RTTN: variants seen among roughly 807,000 people sequenced by gnomAD.
The protein encoded by RTTN is rotatin.
RTTN carries 182 observed loss-of-function variants against 269.2 expected under a neutral mutation model. The observed-to-expected ratio is 0.68, with a 90% CI of 0.60 to 0.76. The LOEUF (loss-of-function observed/expected upper bound fraction) is 0.76, where lower values mean the gene tolerates loss of function less well. Among genes scored for constraint, RTTN ranks in the 30% least tolerant of loss-of-function variants. The pLI, the probability that RTTN is intolerant of heterozygous loss-of-function variation, is 0.00. For synonymous variants in RTTN, 1,006 were observed against 963.5 expected (o/e 1.04, Z -0.82); for missense variants, 2,545 against 2,608.6 (o/e 0.98, Z 0.53).
At chr18:70,077,944 T>A (rs1212489862) in intron 32 of RTTN, among the ~76,000 whole-genome samples, 1 of 151,656 alleles carries the variant, frequency 6.6e-6, no homozygotes. Context: ...AGAGGCCTAA[T>A]AAGGGACTTA....
rs1289480821 is a variant in RTTN, at chr18:70,193,417, T to A, written c.878A>T (p.His293Leu). The change falls in exon 8 of 49, where the codon CAT (histidine) becomes CTT (leucine). Residue 293 changes from histidine (H) to leucine (L), a missense_variant. By Grantham distance (99) the His-to-Leu change is moderately conservative. Coordinates refer to ENST00000640769, the MANE Select transcript of RTTN (RefSeq NM_173630.4). Reference protein sequence around the residue: ...VSQNSSLSYCHEARGTHHSQN... With the variant: ...VSQNSSLSYCLEARGTHHSQN... ...GGAATGATGAGTACCTCTTGCTTCA[T>A]GACAATAAGACAAAGAAGAATTTTG... The A allele has an allele frequency of 1.9e-6, 3 of 1,578,972 alleles. No individual in the cohort carries two copies. Among genetic ancestry groups the A allele is most frequent in the African/African-American group, 1.4e-5 (1 of 72,362 alleles).
chr18:70,125,602 ATTTTG>A (rs1430298194), intron 25 of RTTN, among the ~76,000 whole-genome samples: 2 of 152,122 alleles, frequency 1.3e-5, no homozygotes, highest in South Asian at 2.1e-4. Context: ...GCTTCTCTAT[ATTTTG>A]TTTTGTCTAG....
Position 70,121,750 on chromosome 18 carries a change from A to G in RTTN, c.3384-50T>C. 3.4e-6 allele frequency: 5 copies of G among 1,452,448 alleles called. No homozygotes were observed. The African/African-American group carries it at 4.3e-5, about 13-fold the overall frequency. The allele number at this position is 1,452,448 out of a possible 1,614,324, so 90.0% of individuals were successfully genotyped here. A position where few individuals can be genotyped will look rare whatever the true frequency, so the allele number is the denominator to read the frequency against. ...GGTTTCTGGCGCTTTAAAATACACA[A>G]TACCACTGTTCATCATAGATATGTG... On this transcript the variant is annotated intron_variant, in intron 25 of 48. Transcript: ENST00000640769.
At chr18:70,205,102 TTTTC>T (rs773942003) in intron 2 of RTTN, 22 bp downstream of exon 2, 19 of 1,598,038 alleles carry the variant, frequency 1.2e-5, no homozygotes, top group East Asian at 2.2e-5. Flanking sequence ...CGTCTGATTA[TTTTC>T]TTTATTTCAA....
intron 32 of RTTN, among the ~76,000 whole-genome samples, chr18:70,085,523 T>G (rs897151332): frequency 1.3e-5 from 2 of 152,124 alleles, no homozygotes; most frequent in African/African-American, 4.8e-5. Context: ...AAACCTTAGA[T>G]TTATACAGGA....
intron 19 of RTTN, among the ~76,000 whole-genome samples, chr18:70,141,113 T>C (rs1255601360): frequency 1.3e-5 from 2 of 152,200 alleles, no homozygotes; most frequent in African/African-American, 4.8e-5. Context: ...ACCAGGGCTT[T>C]CCACATTTTC....
chr18:70,159,590 C>A (rs970366904), intron 14 of RTTN, among the ~76,000 whole-genome samples: 2 of 151,992 alleles, frequency 1.3e-5, no homozygotes, highest in Non-Finnish European at 2.9e-5. Flanking sequence ...CAGGGCTGAA[C>A]TGAATGAAAC....
At chr18:70,033,181 G>A (rs1242339701) in intron 40 of RTTN, among the ~76,000 whole-genome samples, 1 of 152,216 alleles carries the variant, frequency 6.6e-6, no homozygotes, top group African/African-American at 2.4e-5. Context: ...CACCATGTGA[G>A]ATGCCTCGCT....
chr18:70,145,886 G>C, intron 17 of RTTN, 103 bp from the exon 18 acceptor site: 2 of 850,846 alleles, frequency 2.4e-6, no homozygotes, highest in Non-Finnish European at 3.5e-6. Flanking sequence ...AGTACAATAA[G>C]TAGTCACAAT....
At chr18:70,148,525 A>T (rs187385713) in intron 17 of RTTN, among the ~76,000 whole-genome samples, 2 of 152,340 alleles carry the variant, frequency 1.3e-5, no homozygotes, top group African/African-American at 4.8e-5. Flanking sequence ...AATATTCAGA[A>T]CAGATGTTTA....
intron 27 of RTTN, among the ~76,000 whole-genome samples, chr18:70,110,293 G>T (rs2059429579): frequency 6.6e-6 from 1 of 151,742 alleles, no homozygotes; most frequent in Admixed American, 6.6e-5. Flanking sequence ...AATAGGAATA[G>T]CTCCAGTCTG....
At chr18:70,134,154 T>C (rs141804310) in intron 23 of RTTN, among the ~76,000 whole-genome samples, 6 of 152,128 alleles carry the variant, frequency 3.9e-5, no homozygotes, top group African/African-American at 1.4e-4. Flanking sequence ...GAATTAAATA[T>C]AAATAAAAAT....
At chr18:70,138,783 A>C (rs543874381) in intron 21 of RTTN, 56 of 152,196 alleles carry the variant, frequency 3.7e-4, no homozygotes, top group Non-Finnish European at 7.3e-4. Flanking sequence ...AAGATGCTAA[A>C]ATAAAATGAC....
Position 70,048,026 on chromosome 18 carries a change from T to C in RTTN, c.5486A>G (p.Asp1829Gly). 6.2e-7 allele frequency: 1 copy of C among 1,614,162 alleles called. No homozygotes were observed. The highest frequency in any genetic ancestry group is 2.2e-5 in the East Asian group (1 of 44,880). ...CCSPTVASLL[D>G]DSQENQKSLE... ...AGATTTCTGATTTTCCTGAGAGTCA[T>C]CAAGAAGTGAAGCCACTGTTGGACT... The change falls in exon 40 of 49, where the codon GAT (aspartate) becomes GGT (glycine). Residue 1829 changes from aspartate to glycine, a missense_variant. Physicochemically the swap from Asp to Gly is moderately conservative, Grantham distance 94 (BLOSUM62 -1). Transcript: ENST00000640769.
chr18:70,112,114 T>C (rs770881207), intron 27 of RTTN, among the ~76,000 whole-genome samples: 2 of 152,176 alleles, frequency 1.3e-5, no homozygotes, highest in Non-Finnish European at 2.9e-5. Flanking sequence ...CTGAGAGATT[T>C]TGTCACCACC....
Position 70,057,845 on chromosome 18 carries a change from G to A in RTTN, c.4941-13C>T. 1.3e-6 allele frequency: 2 copies of A among 1,588,418 alleles called. No homozygotes were observed. The highest frequency in any genetic ancestry group is 1.7e-6 in the Non-Finnish European group (2 of 1,158,978). ...AGCATCTGCAATGCTGTGACGATCA[G>A]AAAAAGAAAATCCTTCAGAAGATTA... On this transcript the variant is annotated splice_polypyrimidine_tract_variant and intron_variant, in intron 36 of 48. Transcript: ENST00000640769.
At chr18:70,050,280 T>A (rs1256147507) in intron 39 of RTTN, among the ~76,000 whole-genome samples, 1 of 152,188 alleles carries the variant, frequency 6.6e-6, no homozygotes, top group East Asian at 1.9e-4. Context: ...AACAGACACT[T>A]CTCAAAAGAT....
At chr18:70,096,102 C>T (rs887821665) in intron 28 of RTTN, among the ~76,000 whole-genome samples, 6 of 151,618 alleles carry the variant, frequency 4.0e-5, no homozygotes, top group Non-Finnish European at 5.9e-5. Flanking sequence ...TATTGATACT[C>T]ATGTATGTGT....
rs980776312 is a variant in RTTN at position 70,086,660 on chromosome 18, G to A, written c.4327C>T (p.Leu1443Phe). The change falls in exon 32 of 49, where the codon CTT becomes TTT. Residue 1443 changes from leucine (L) to phenylalanine (F), a missense_variant. Physicochemically the swap from Leu to Phe is conservative, Grantham distance 22. Coordinates refer to ENST00000640769, the MANE Select transcript of RTTN (RefSeq NM_173630.4). The stretch of plus-strand genomic sequence containing the variant: ...ATTTCTGTAGGCATTGGAATTACAA[G>A]GAGATTCTGAAGAATAAATGCCGCC... ...REAAFILQNLLVIPMPTEIIK... is the reference protein window; with the variant it reads ...REAAFILQNLFVIPMPTEIIK... 1 of 1,471,824 alleles carries A rather than the reference G, an allele frequency of 6.8e-7. No individual in the cohort carries two copies. Among genetic ancestry groups the A allele is most frequent in the African/African-American group, 1.8e-5 (1 of 55,990 alleles). 91.2% of individuals were successfully genotyped at this position (1,471,824 alleles called of 1,614,324 possible). A position where few individuals can be genotyped will look rare whatever the true frequency, so the allele number is the denominator to read the frequency against.
Sources: allele counts gnomAD v4.1 joint callset (sites outside exome capture counted in the v4.1 genomes callset), GRCh38; gene constraint gnomAD v4.1.1; transcripts MANE v1.5; gene names NCBI Gene and HGNC (gene_info 2026-07-23, HGNC 2026-07-21).